The following RBBP4 variants were observed in gnomAD, a reference collection of about 807,000 sequenced individuals.
RBBP4 encodes RB binding protein 4, chromatin remodeling factor, also known as histone-binding protein RBBP4.
RBBP4 carries 3 observed loss-of-function variants against 57.2 expected under a neutral mutation model. That is an observed-to-expected ratio of 0.05 (90% CI 0.02 to 0.14). RBBP4 has a LOEUF of 0.14. Among genes scored for constraint, RBBP4 ranks in the 10% least tolerant of loss-of-function variants. RBBP4 has a pLI of 1.00. For missense variants in RBBP4, 107 were observed against 520.6 expected (o/e 0.21, Z 7.73); for synonymous variants, 151 against 171.5 (o/e 0.88, Z 0.93).
chr1:32,661,258 G>A (rs1267058465), intron 3 of RBBP4, among the ~76,000 whole-genome samples: 3 of 150,406 alleles, frequency 2.0e-5, no homozygotes, highest in East Asian at 1.9e-4. Flanking sequence ...GTATATTCCC[G>A]GTAATGGGAT....
rs988654565 is a variant in RBBP4 at position 32,682,489 on chromosome 1, T to G, written c.*2784T>G. On this transcript the variant is annotated 3_prime_UTR_variant, in exon 12 of 12. Coordinates refer to ENST00000373493, the MANE Select transcript of RBBP4 (RefSeq NM_005610.3). ...TAGAAAAAGCAACAATAGTTACTTG[T>G]GGGCCAGGCGCGGTGGTTCACGCCT... 1 of 151,964 alleles carries G rather than the reference T, an allele frequency of 6.6e-6. No individual in the cohort carries two copies. The highest frequency in any genetic ancestry group is 6.6e-5 in the Admixed American group (1 of 15,232). 9.4% of individuals were successfully genotyped at this position (151,964 alleles called of 1,614,324 possible).
rs1379998393 is a variant in RBBP4, at chr1:32,685,918, ACTTT to A, written c.*6218_*6221del. Reference sequence around the variant, plus strand: ...ACTCAAAATCCTTCAAAGGCTTTCCACTTTCTTTAGTGGCATTCAGACCCCCTCT... The same window carrying A: ...ACTCAAAATCCTTCAAAGGCTTTCCACTTTAGTGGCATTCAGACCCCCTCT... On this transcript the variant is annotated 3_prime_UTR_variant, in exon 12 of 12. Transcript: ENST00000373493. 1 of 152,130 alleles carries A rather than the reference ACTTT, an allele frequency of 6.6e-6. No individual in the cohort carries two copies. The highest frequency in any genetic ancestry group is 1.5e-5 in the Non-Finnish European group (1 of 68,032). The allele number at this position is 152,130 out of a possible 1,614,324, so 9.4% of individuals were successfully genotyped here.
chr1:32,653,637 G>GTTTTTTT (rs1053666893), intron 2 of RBBP4, among the ~76,000 whole-genome samples: 6 of 20,778 alleles, frequency 2.9e-4, no homozygotes, highest in East Asian at 2.4e-3. Flanking sequence ...TTGTTTTCTG[G>GTTTTTTT]TTTTTTTTTT....
In RBBP4 at chr1:32,681,822, T is replaced by C; in HGVS notation, c.*2117T>C. ...CTTTGCTAAGAAGTTTTTTGCTGTT[T>C]CCGGGTTACAGATTTGGCCATATAT... is the stretch of plus-strand genomic sequence containing the variant. On this transcript the variant is annotated 3_prime_UTR_variant, in exon 12 of 12. Transcript: ENST00000373493. The C allele has an allele frequency of 6.2e-7, 1 of 1,614,184 alleles. No homozygotes were observed. The highest frequency in any genetic ancestry group is 8.5e-7 in the Non-Finnish European group (1 of 1,180,026).
intron 8 of RBBP4, among the ~76,000 whole-genome samples, chr1:32,670,708 G>A (rs1648838324): frequency 6.6e-6 from 1 of 152,190 alleles, no homozygotes; most frequent in African/African-American, 2.4e-5. Context: ...AAAGTGCTGG[G>A]ATTACAGGCG....
At chr1:32,673,725 C>T (rs764624845) in intron 11 of RBBP4, 5 of 175,510 alleles carry the variant, frequency 2.8e-5, no homozygotes, top group African/African-American at 9.6e-5. Flanking sequence ...CATGAGCCAC[C>T]GCGCCTGGCC....
intron 11 of RBBP4, among the ~76,000 whole-genome samples, chr1:32,677,865 T>A (rs1480278493): frequency 6.6e-6 from 1 of 152,180 alleles, no homozygotes. Context: ...GCAGTACCTA[T>A]CATAGTGATA....
intron 2 of RBBP4, among the ~76,000 whole-genome samples, chr1:32,652,702 T>C (rs1444736090): frequency 6.6e-6 from 1 of 152,056 alleles, no homozygotes; most frequent in African/African-American, 2.4e-5. Flanking sequence ...CCACCACGCC[T>C]GGCTAAATTT....
intron 3 of RBBP4, among the ~76,000 whole-genome samples, chr1:32,665,897 G>T (rs571901170): frequency 5.3e-5 from 8 of 152,154 alleles, no homozygotes; most frequent in African/African-American, 1.9e-4. Context: ...GTACCATGCT[G>T]CCTTCTATTA....
chr1:32,658,639 C>G (rs373053927), intron 3 of RBBP4, among the ~76,000 whole-genome samples: 4 of 151,718 alleles, frequency 2.6e-5, no homozygotes, highest in African/African-American at 9.7e-5. Context: ...CTCCACCTCC[C>G]AGGTTCAAGC....
In RBBP4 at chr1:32,672,728, A is replaced by G. The variant is rs1245753971; in HGVS notation, c.1101+29A>G. The G allele has an allele frequency of 1.9e-6, 3 of 1,608,828 alleles. No individual in the cohort carries two copies. The South Asian group carries it at 3.3e-5, about 18-fold the overall frequency. ...TGTTAAAAGCATTGGACAGTACTGA[A>G]ATAGTCTGTAATTTAATGTCCTCTA... is the stretch of plus-strand genomic sequence containing the variant. On this transcript the variant is annotated intron_variant, in intron 10 of 11. Coordinates refer to ENST00000373493, the MANE Select transcript of RBBP4 (RefSeq NM_005610.3).
In RBBP4 at chr1:32,684,059, C is replaced by T; in HGVS notation, c.*4354C>T. 5 of 1,614,192 alleles carry T rather than the reference C, an allele frequency of 3.1e-6. No homozygotes were observed. Among genetic ancestry groups the T allele is most frequent in the Non-Finnish European group, 4.2e-6 (5 of 1,180,024 alleles). On this transcript the variant is annotated 3_prime_UTR_variant, in exon 12 of 12. Transcript: ENST00000373493. ...CTGCCTGAGAAGTGGGAGCATCAGC[C>T]TGTTCCAGGCTCTTGGGTAGTAGCA... is the stretch of plus-strand genomic sequence containing the variant.
intron 11 of RBBP4, 52 bp downstream of exon 11, chr1:32,672,953 T>C (rs1243438609): frequency 1.5e-6 from 2 of 1,369,584 alleles, no homozygotes; most frequent in Non-Finnish European, 2.1e-6. Context: ...AGACATAGAA[T>C]CAATTTACAT....
chr1:32,686,044 T>C lies in RBBP4; in HGVS notation c.*6339T>C, dbSNP rs1346754668. The C allele has an allele frequency of 6.6e-6, 1 of 152,198 alleles. No homozygotes were observed. The highest frequency in any genetic ancestry group is 1.5e-5 in the Non-Finnish European group (1 of 68,032). The allele number at this position is 152,198 out of a possible 1,614,324, so 9.4% of individuals were successfully genotyped here. A position where few individuals can be genotyped will look rare whatever the true frequency, so the allele number is the denominator to read the frequency against. On this transcript the variant is annotated 3_prime_UTR_variant, in exon 12 of 12. Coordinates refer to ENST00000373493, the MANE Select transcript of RBBP4 (RefSeq NM_005610.3). ...ACTAGTACCGAAGTCACTAGTCACA[T>C]AGGACTCATTTGAAATATGACTAGT...
chr1:32,655,026 G>GT (rs1411520467), intron 2 of RBBP4, among the ~76,000 whole-genome samples: 1 of 151,950 alleles, frequency 6.6e-6, no homozygotes. Flanking sequence ...ATCTTGCTTT[G>GT]TTGCCCAGAC....
chr1:32,656,316 T>A (rs1383917705), intron 2 of RBBP4, among the ~76,000 whole-genome samples: 1 of 151,318 alleles, frequency 6.6e-6, no homozygotes, highest in Non-Finnish European at 1.5e-5. Context: ...TGCCTCAGCC[T>A]CCCAAGTAGC....
chr1:32,670,960 T>A (rs1648850609), intron 8 of RBBP4, among the ~76,000 whole-genome samples: 1 of 152,204 alleles, frequency 6.6e-6, no homozygotes, highest in East Asian at 1.9e-4. Context: ...ATCTCTTTGC[T>A]TTGCTTGTGA....
At position 32,669,843 on chromosome 1, in the gene RBBP4, A is replaced by T. The variant is rs1334383561; in HGVS notation, c.966+280A>T. Among the ~76,000 whole-genome samples the T allele has an allele frequency of 6.6e-6, 1 of 152,162 alleles. No homozygotes were observed. The highest frequency in any genetic ancestry group is 2.4e-5 in the African/African-American group (1 of 41,440). ...GAGGCAGAGGTTGCAGTGAGCCGAG[A>T]TTGTGCCACTGCACTCTAGCCTGGG... On this transcript the variant is annotated intron_variant, in intron 8 of 11. Transcript: ENST00000373493. This position sits in a 1 kb window ranked among gnomAD's most constrained non-coding sequence, Gnocchi z 4.9.
In RBBP4 at chr1:32,684,769, TATAAAATACTTAAG is replaced by T. The variant is rs753920970; in HGVS notation, c.*5065_*5078del. On this transcript the variant is annotated 3_prime_UTR_variant, in exon 12 of 12. Transcript: ENST00000373493. The stretch of plus-strand genomic sequence containing the variant: ...TAAGATAATTGGTAGTTTTTAATAA[TATAAAATACTTAAG>T]TTGAAATACAAAAGTGTGGCAACAA... 2 of 160,026 alleles carry T rather than the reference TATAAAATACTTAAG, an allele frequency of 1.2e-5. No individual in the cohort carries two copies. Among genetic ancestry groups the T allele is most frequent in the African/African-American group, 4.8e-5 (2 of 41,610 alleles). The allele number at this position is 160,026 out of a possible 1,614,324, so 9.9% of individuals were successfully genotyped here. A position where few individuals can be genotyped will look rare whatever the true frequency, so the allele number is the denominator to read the frequency against.
Sources: gnomAD v4.1 joint callset for allele counts (sites outside exome capture counted in the v4.1 genomes callset) on GRCh38, gnomAD v4.1.1 for gene constraint, Gnocchi (gnomAD v3.1) non-coding constraint, MANE v1.5 for transcripts, NCBI Gene and HGNC (gene_info 2026-07-23, HGNC 2026-07-21) for gene names.